The following KCNK16 variants were observed in gnomAD, a reference collection of about 807,000 sequenced individuals.
KCNK16 encodes potassium channel subfamily K member 16.
A neutral mutation model predicts 23.0 loss-of-function variants in KCNK16; 23 were observed. The ratio of observed to expected loss-of-function variants is 1.00; its 90% CI spans 0.72 to 1.41. KCNK16 has a LOEUF of 1.41. Ranked by LOEUF, KCNK16 falls within the 40% of genes most tolerant of loss-of-function variation. The pLI is 0.00. For synonymous variants in KCNK16, 145 were observed against 153.5 expected (o/e 0.94, Z 0.41); for missense variants, 327 against 365.8 (o/e 0.89, Z 0.87).
intron 4 of KCNK16, 150 bp downstream of exon 4, chr6:39,316,632 C>T: frequency 2.6e-6 from 3 of 1,171,152 alleles, no homozygotes; most frequent in Non-Finnish European, 3.6e-6. Context: ...TGCTTAGAAT[C>T]CACAGTAGTC....
At position 39,316,376 on chromosome 6, in the gene KCNK16, C is replaced by T. The variant is rs759377145; in HGVS notation, c.728G>A (p.Gly243Asp). The T allele has an allele frequency of 4.3e-6, 7 of 1,612,774 alleles. No individual in the cohort carries two copies. Among genetic ancestry groups the T allele is most frequent in the Non-Finnish European group, 5.1e-6 (6 of 1,179,590 alleles). Reference sequence around the variant, plus strand: ...GAGGATCAGCGCCAGCCACGCCAGGCCCAGGAGGATCCAGATGGCTGCCAG... The same window carrying T: ...GAGGATCAGCGCCAGCCACGCCAGGTCCAGGAGGATCCAGATGGCTGCCAG... ...RSLAAIWILL[G>D]LAWLALILPL... Residue 243 changes from glycine to aspartate, a missense_variant, in exon 5 of 5, where the codon GGC (glycine) becomes GAC (aspartate). Physicochemically the swap from Gly to Asp is moderately conservative, Grantham distance 94 (BLOSUM62 -1). Transcript: ENST00000437525.
In KCNK16 at chr6:39,319,041, T is replaced by G. The variant is rs371006984; in HGVS notation, c.306A>C (p.Ala102=). The change falls in exon 2 of 5, where the codon GCA becomes GCC. Residue 102 remains alanine, a synonymous_variant. Transcript: ENST00000437525. This position sits in a 1 kb window ranked among gnomAD's most constrained non-coding sequence, Gnocchi z 4.2. The part of the protein sequence containing the change: ...NWDFGSSFFF[A]GTVVTTIGYG... The stretch of plus-strand genomic sequence containing the variant: ...TACCTATGGTAGTGACGACTGTGCC[T>G]GCAAAGAAGAAACTGCTGCCAAAGT... 6.2e-7 allele frequency: 1 copy of G among 1,613,730 alleles called. No individual in the cohort carries two copies. The highest frequency in any genetic ancestry group is 2.2e-5 in the East Asian group (1 of 44,886).
upstream of KCNK16, chr6:39,322,934 T>G: frequency 5.4e-6 from 1 of 184,176 alleles, no homozygotes; most frequent in Non-Finnish European, 1.2e-5. Context: ...GTGGGCTCTC[T>G]CGGCCGCCCC....
rs545953057 is a variant in KCNK16, at chr6:39,319,492, A to G, written c.214-359T>C. On this transcript the variant is annotated intron_variant, in intron 1 of 4. Transcript: ENST00000437525. The surrounding 1 kb of genome is among the most constrained non-coding windows in gnomAD (Gnocchi z 4.2). Reference sequence around the variant, plus strand: ...GCTGGTGGCCAAAAGGATGGCACCCACATCAGCTGTTAGAACAATGGGAGG... The same window carrying G: ...GCTGGTGGCCAAAAGGATGGCACCCGCATCAGCTGTTAGAACAATGGGAGG... Among the ~76,000 whole-genome samples the G allele has an allele frequency of 6.6e-6, 1 of 152,250 alleles. No homozygotes were observed. The highest frequency in any genetic ancestry group is 1.9e-4 in the East Asian group (1 of 5,144).
chr6:39,314,863 G>C (rs190656708), downstream of KCNK16: 7 of 853,676 alleles, frequency 8.2e-6, no homozygotes, highest in Admixed American at 2.4e-5. Context: ...CCAGCTGATT[G>C]CCACTTGTCC....
At chr6:39,322,875 A>T (rs953680201), upstream of KCNK16, 11 of 315,310 alleles carry the variant, frequency 3.5e-5, no homozygotes, top group East Asian at 6.0e-4. Flanking sequence ...AGTTGGATAG[A>T]TGTTTCTGGG....
chr6:39,322,032 C>T (rs193082199), intron 1 of KCNK16, among the ~76,000 whole-genome samples: 1 of 152,334 alleles, frequency 6.6e-6, no homozygotes, highest in East Asian at 1.9e-4. Flanking sequence ...TTAGAGAGTG[C>T]TTTTAATCTG....
downstream of KCNK16, among the ~76,000 whole-genome samples, chr6:39,315,833 A>T (rs1302237935): frequency 1.3e-5 from 2 of 152,202 alleles, no homozygotes; most frequent in African/African-American, 2.4e-5. Flanking sequence ...CACCTGGCAC[A>T]TAGTAGGGGC....
chr6:39,317,768 G>A lies in KCNK16; in HGVS notation c.495+18C>T. ...CAGATCTGTCACAGCAGGCCTGTAA[G>A]GGAGTTAGGGGGCATACCTGGGAGC... On this transcript the variant is annotated intron_variant, in intron 3 of 4. Transcript: ENST00000437525. 1 of 1,557,330 alleles carries A rather than the reference G, an allele frequency of 6.4e-7. No homozygotes were observed. Among genetic ancestry groups the A allele is most frequent in the Non-Finnish European group, 8.7e-7 (1 of 1,151,404 alleles).
intron 3 of KCNK16, among the ~76,000 whole-genome samples, 186 bp downstream of exon 3, chr6:39,317,600 C>G (rs1296283103): frequency 1.3e-5 from 2 of 152,198 alleles, no homozygotes; most frequent in East Asian, 3.8e-4. Flanking sequence ...TGGGGCCAAG[C>G]CTTTGTAGAG....
downstream of KCNK16, chr6:39,314,643 C>T: frequency 2.4e-6 from 1 of 416,554 alleles, no homozygotes; most frequent in East Asian, 3.6e-5. Flanking sequence ...CCAGAGCCCC[C>T]TCACATTTCC....
At chr6:39,316,576 T>G in intron 4 of KCNK16, 134 bp from the exon 5 acceptor site, 1 of 1,263,130 alleles carries the variant, frequency 7.9e-7, no homozygotes, top group Middle Eastern at 2.7e-4. Context: ...GAGGTAGGTC[T>G]CTGCAGGGTG....
rs373163887 is a variant in KCNK16, at chr6:39,317,965, G to C, written c.329-13C>G. The C allele has an allele frequency of 3.8e-6, 6 of 1,591,132 alleles. No individual in the cohort carries two copies. Among genetic ancestry groups the C allele is most frequent in the Non-Finnish European group, 4.3e-6 (5 of 1,166,492 alleles). On this transcript the variant is annotated splice_polypyrimidine_tract_variant and intron_variant, in intron 2 of 4. Transcript: ENST00000437525. ...AGGTTCCCATATCCTGCAAGGGAAGGGGGGCGTGTGCAAATATGGAGACTC... is the reference window on the plus strand; with the variant it reads ...AGGTTCCCATATCCTGCAAGGGAAGCGGGGCGTGTGCAAATATGGAGACTC...
At chr6:39,315,557 G>A (rs943688204), downstream of KCNK16, 9 of 784,930 alleles carry the variant, frequency 1.1e-5, no homozygotes, top group East Asian at 8.1e-5. Context: ...GAGGCAGCTC[G>A]CCTGCCCCTC....
intron 4 of KCNK16, 38 bp downstream of exon 4, chr6:39,316,744 A>G: frequency 1.3e-6 from 2 of 1,593,702 alleles, no homozygotes; most frequent in Non-Finnish European, 1.7e-6. Flanking sequence ...CCCAGTGGGC[A>G]CCCCCACCCT....
intron 1 of KCNK16, among the ~76,000 whole-genome samples, chr6:39,321,108 G>A (rs937618861): frequency 6.6e-6 from 1 of 152,150 alleles, no homozygotes; most frequent in Non-Finnish European, 1.5e-5. Flanking sequence ...ACATCACCTG[G>A]AGAGCCTGTT....
chr6:39,315,245 A>T, downstream of KCNK16: 1 of 1,610,006 alleles, frequency 6.2e-7, no homozygotes, highest in Non-Finnish European at 8.5e-7. Context: ...CTGGTCAGGG[A>T]TGTTGCAGTC....
chr6:39,322,310 C>A lies in KCNK16; in HGVS notation c.213+18G>T. The A allele has an allele frequency of 6.2e-7, 1 of 1,604,212 alleles. No individual in the cohort carries two copies. Among genetic ancestry groups the A allele is most frequent in the South Asian group, 1.1e-5 (1 of 90,662 alleles). On this transcript the variant is annotated intron_variant, in intron 1 of 4. Coordinates refer to ENST00000437525, the MANE Select transcript of KCNK16 (RefSeq NM_001135106.2). Reference sequence around the variant, plus strand: ...TTCCCAAGCCTCTCCATCCCAATCCCACATCGCTCCCCTTCACCTGCACAA... The same window carrying A: ...TTCCCAAGCCTCTCCATCCCAATCCAACATCGCTCCCCTTCACCTGCACAA...
chr6:39,318,136 C>A (rs114598171), intron 2 of KCNK16, among the ~76,000 whole-genome samples, 184 bp from the exon 3 acceptor site: 58 of 152,338 alleles, frequency 3.8e-4, no homozygotes, highest in African/African-American at 1.3e-3. Flanking sequence ...TCTTTGAAGG[C>A]CCATCTCAAA....
Sources: gnomAD v4.1 joint callset for allele counts (sites outside exome capture counted in the v4.1 genomes callset) on GRCh38, gnomAD v4.1.1 for gene constraint, Gnocchi (gnomAD v3.1) non-coding constraint, MANE v1.5 for transcripts, NCBI Gene and HGNC (gene_info 2026-07-23, HGNC 2026-07-21) for gene names.